DNAH9: variants seen among roughly 807,000 people sequenced by gnomAD.
The protein encoded by DNAH9 is dynein axonemal heavy chain 9.
Under a neutral mutation model 471.6 loss-of-function variants are expected in DNAH9, and 345 were observed. That is an observed-to-expected ratio of 0.73 (90% CI 0.67 to 0.80). The LOEUF (loss-of-function observed/expected upper bound fraction) is 0.80. Among genes scored for constraint, DNAH9 ranks in the 30% least tolerant of loss-of-function variants. The pLI, the probability that DNAH9 is intolerant of heterozygous loss-of-function variation, is 0.00. For synonymous variants in DNAH9, 2,093 were observed against 2,123.6 expected (o/e 0.99, Z 0.40); for missense variants, 5,407 against 5,609.2 (o/e 0.96, Z 1.15).
Position 11,962,272 on chromosome 17 carries a change from A to T in DNAH9, c.13233+16A>T. 1 of 1,569,438 alleles carries T rather than the reference A, an allele frequency of 6.4e-7. No homozygotes were observed. The highest frequency in any genetic ancestry group is 8.6e-7 in the Non-Finnish European group (1 of 1,159,076). Reference sequence around the variant, plus strand: ...GGACACACAGGTAAAGCTTGGAATGAACCAAAGGGCAGCTTTCTGGGGGCT... The same window carrying T: ...GGACACACAGGTAAAGCTTGGAATGTACCAAAGGGCAGCTTTCTGGGGGCT... On this transcript the variant is annotated intron_variant, in intron 68 of 68. Coordinates refer to ENST00000262442, the MANE Select transcript of DNAH9 (RefSeq NM_001372.4). The surrounding 1 kb of genome is among the most constrained non-coding windows in gnomAD (Gnocchi z 4.1).
chr17:11,672,186 T>G (rs111540974), intron 17 of DNAH9, among the ~76,000 whole-genome samples: 3,686 of 152,306 alleles, frequency 0.024, 152 homozygotes, highest in African/African-American at 0.083. Context: ...TCCAACCCCC[T>G]TTTATTACGT....
At position 11,800,061 on chromosome 17, in the gene DNAH9, G is replaced by A. The variant is rs565811121; in HGVS notation, c.8420+2268G>A. On this transcript the variant is annotated intron_variant, in intron 43 of 68. Coordinates refer to ENST00000262442, the MANE Select transcript of DNAH9 (RefSeq NM_001372.4). ...AGCATGTTGCTTCTTTCACCATCCC[G>A]TGATAACTGCATTACACATTTTCCT... Among the ~76,000 whole-genome samples the A allele has an allele frequency of 1.8e-4, 27 of 152,252 alleles. 1 individual carries two copies. In the East Asian group the frequency reaches 3.7e-3, roughly 21 times the overall value.
intron 29 of DNAH9, among the ~76,000 whole-genome samples, chr17:11,739,653 G>T (rs545349890): frequency 1.6e-4 from 24 of 152,236 alleles, no homozygotes; most frequent in African/African-American, 5.1e-4. Flanking sequence ...TCGTAGCGAC[G>T]CATGAGAGCA....
At chr17:11,862,004 G>C (rs1386790401) in intron 50 of DNAH9, among the ~76,000 whole-genome samples, 4 of 150,736 alleles carry the variant, frequency 2.7e-5, no homozygotes, top group Non-Finnish European at 4.4e-5. Flanking sequence ...TTCTTTTGCT[G>C]TGCAGAAGCT....
chr17:11,679,720 C>T lies in DNAH9; in HGVS notation c.3354-37C>T, dbSNP rs777017358. On this transcript the variant is annotated intron_variant, in intron 17 of 68. Coordinates refer to ENST00000262442, the MANE Select transcript of DNAH9 (RefSeq NM_001372.4). ...TACATCTGCCTTTCGAGAAGTAGAA[C>T]GAGAATGGTTCCTCATGTTCTGTTT... 4.9e-6 allele frequency: 7 copies of T among 1,435,222 alleles called. 1 individual carries two copies. The highest frequency in any genetic ancestry group is 2.3e-5 in the South Asian group (2 of 87,208). The allele number at this position is 1,435,222 out of a possible 1,614,324, so 88.9% of individuals were successfully genotyped here.
chr17:11,936,029 GTCTGTTTTTCTTATTCAGCAAGGGTGAAA>G (rs1974703167), intron 65 of DNAH9, among the ~76,000 whole-genome samples: 1 of 152,198 alleles, frequency 6.6e-6, no homozygotes, highest in Non-Finnish European at 1.5e-5. Context: ...GGCAAAGGAA[GTCTGTTTTTCTTATTCAGCAAGGGTGAAA>G]TCGATTTGCA....
At chr17:11,606,042 C>T (rs914433287) in intron 1 of DNAH9, among the ~76,000 whole-genome samples, 1 of 152,172 alleles carries the variant, frequency 6.6e-6, no homozygotes, top group Non-Finnish European at 1.5e-5. Flanking sequence ...CATCCTCTTT[C>T]CCGGTTAGGA....
intron 40 of DNAH9, 79 bp from the exon 41 acceptor site, chr17:11,784,221 T>G: frequency 6.3e-7 from 1 of 1,586,370 alleles, no homozygotes; most frequent in Non-Finnish European, 8.6e-7. Context: ...AAGAATTTTC[T>G]GTTATCTCCA....
Position 11,664,929 on chromosome 17 carries a change from G to T in DNAH9, c.2692G>T (p.Ala898Ser). Residue 898 changes from alanine (A) to serine (S), a missense_variant, in exon 15 of 69, where the codon GCC becomes TCC. Ala to Ser is a moderately conservative substitution (Grantham distance 99, BLOSUM62 1). Transcript: ENST00000262442. ...TTTGTTGCTGAATGGATTCTTTCTT[G>T]CCATTGAGTGCTCCCTCAAGTATCT... ...DNLLLNGFFLAIECSLKYLLE... is the reference protein window; with the variant it reads ...DNLLLNGFFLSIECSLKYLLE... 1 of 1,613,188 alleles carries T rather than the reference G, an allele frequency of 6.2e-7. No homozygotes were observed. The highest frequency in any genetic ancestry group is 8.5e-7 in the Non-Finnish European group (1 of 1,179,288).
intron 14 of DNAH9, among the ~76,000 whole-genome samples, chr17:11,663,198 A>G (rs1477503530): frequency 6.6e-6 from 1 of 152,144 alleles, no homozygotes; most frequent in African/African-American, 2.4e-5. Flanking sequence ...AACATCTTCC[A>G]ACACTATATG....
At chr17:11,601,098 T>A (rs946908859) in intron 1 of DNAH9, among the ~76,000 whole-genome samples, 1 of 152,218 alleles carries the variant, frequency 6.6e-6, no homozygotes, top group Non-Finnish European at 1.5e-5. Flanking sequence ...GTCCTCAAGG[T>A]TCATCCATAT....
At chr17:11,808,063 C>G (rs865806215) in intron 44 of DNAH9, among the ~76,000 whole-genome samples, 169 bp downstream of exon 44, 2 of 152,206 alleles carry the variant, frequency 1.3e-5, no homozygotes, top group South Asian at 4.1e-4. Context: ...TCTCATTAGA[C>G]TCAGCCTGAG....
rs988617549 is a variant in DNAH9, at chr17:11,705,395, G to T, written c.5552+210G>T. 5 of 518,210 alleles carry T rather than the reference G, an allele frequency of 9.6e-6. No homozygotes were observed. In the South Asian group the frequency reaches 1.5e-4, roughly 16 times the overall value. The allele number at this position is 518,210 out of a possible 1,614,324, so 32.1% of individuals were successfully genotyped here. On this transcript the variant is annotated intron_variant, in intron 26 of 68. Transcript: ENST00000262442. ...AAATCCCAGAGCAAATCAATGAGCCGTGACTTTTTGAGGAATTACTAAATG... is the reference window on the plus strand; with the variant it reads ...AAATCCCAGAGCAAATCAATGAGCCTTGACTTTTTGAGGAATTACTAAATG...
chr17:11,601,552 A>G (rs1478608783), intron 1 of DNAH9, among the ~76,000 whole-genome samples: 1 of 152,220 alleles, frequency 6.6e-6, no homozygotes, highest in Non-Finnish European at 1.5e-5. Flanking sequence ...AACTTATTTT[A>G]AAAATAACTC....
chr17:11,742,152 G>A (rs1241177798), intron 29 of DNAH9, 23 bp from the exon 30 acceptor site: 1 of 1,612,892 alleles, frequency 6.2e-7, no homozygotes, highest in South Asian at 1.1e-5. Flanking sequence ...AACTGACTGG[G>A]CCTTCTGTCT....
At chr17:11,601,409 A>T (rs1312654201) in intron 1 of DNAH9, among the ~76,000 whole-genome samples, 1 of 152,122 alleles carries the variant, frequency 6.6e-6, no homozygotes, top group Non-Finnish European at 1.5e-5. Context: ...CTTTAACAGT[A>T]ATCCACAAGA....
intron 35 of DNAH9, among the ~76,000 whole-genome samples, chr17:11,762,562 T>C (rs1371159406): frequency 6.6e-6 from 1 of 152,108 alleles, no homozygotes; most frequent in Non-Finnish European, 1.5e-5. Context: ...TACAGAGGTG[T>C]ATTTTCAGTT....
chr17:11,792,962 T>G (rs917221991), intron 41 of DNAH9, among the ~76,000 whole-genome samples: 2 of 152,204 alleles, frequency 1.3e-5, no homozygotes, highest in Non-Finnish European at 2.9e-5. Flanking sequence ...TAAATGAGCT[T>G]CATCTGGCGA....
At chr17:11,711,404 G>A (rs2074825446) in intron 26 of DNAH9, among the ~76,000 whole-genome samples, 1 of 152,178 alleles carries the variant, frequency 6.6e-6, no homozygotes, top group African/African-American at 2.4e-5. Flanking sequence ...GTTTTTTGGT[G>A]AGTAATCAGT....
Sources: allele counts gnomAD v4.1 joint callset (sites outside exome capture counted in the v4.1 genomes callset), GRCh38; gene constraint gnomAD v4.1.1; non-coding constraint Gnocchi (gnomAD v3.1); transcripts MANE v1.5; gene names NCBI Gene and HGNC (gene_info 2026-07-23, HGNC 2026-07-21).